Variants in PAK4 observed in about 807,000 individuals in gnomAD.
PAK4 encodes p21 (RAC1) activated kinase 4.
Under a neutral mutation model 53.5 loss-of-function variants are expected in PAK4, and 49 were observed. The ratio of observed to expected loss-of-function variants is 0.92; its 90% CI spans 0.73 to 1.16. The LOEUF (loss-of-function observed/expected upper bound fraction) is 1.16. Ranked by LOEUF, PAK4 falls within the 50% of genes most tolerant of loss-of-function variation. The pLI is 0.00. For missense variants in PAK4, 824 were observed against 850.7 expected (o/e 0.97, Z 0.39); for synonymous variants, 376 against 375.6 (o/e 1.00, Z -0.01).
intron 2 of PAK4, among the ~76,000 whole-genome samples, chr19:39,170,381 T>C (rs2074456142): frequency 6.6e-6 from 1 of 151,868 alleles, no homozygotes; most frequent in African/African-American, 2.4e-5. Flanking sequence ...CTTCCTGCCA[T>C]CTAGAGCAAA....
Position 39,160,070 on chromosome 19 carries a change from G to A in PAK4, c.-22-9462G>A, listed in dbSNP as rs539471779. Among the ~76,000 whole-genome samples, 7 of 152,336 alleles carry A rather than the reference G, an allele frequency of 4.6e-5. No individual in the cohort carries two copies. The South Asian group carries it at 6.2e-4, about 14-fold the overall frequency. On this transcript the variant is annotated intron_variant, in intron 1 of 8. Transcript: ENST00000358301. ...CCCCTGCAGTGGGGAGGGCCTGGGC[G>A]TTCACAGTGGGGGTACCTTTTGTGG... is the stretch of plus-strand genomic sequence containing the variant.
At chr19:39,145,532 A>G (rs943500587) in intron 1 of PAK4, among the ~76,000 whole-genome samples, 26 of 152,076 alleles carry the variant, frequency 1.7e-4, no homozygotes, top group African/African-American at 5.3e-4. Context: ...CCAGGCCCGC[A>G]GCCCCCTGCT....
At chr19:39,134,165 T>TAC (rs1648223602) in intron 1 of PAK4, among the ~76,000 whole-genome samples, 1 of 152,234 alleles carries the variant, frequency 6.6e-6, no homozygotes, top group South Asian at 2.1e-4. Flanking sequence ...GCTATATATA[T>TAC]ACACAGCGCT....
At chr19:39,127,974 C>CT (rs1253509947) in intron 1 of PAK4, among the ~76,000 whole-genome samples, 1 of 152,000 alleles carries the variant, frequency 6.6e-6, no homozygotes, top group Non-Finnish European at 1.5e-5. Flanking sequence ...GGGCAAGACG[C>CT]TGAGGGGACT....
rs2074284829 is a variant in PAK4, at chr19:39,161,574, C to A, written c.-22-7958C>A. On this transcript the variant is annotated intron_variant, in intron 1 of 8. Coordinates refer to ENST00000358301, the Ensembl canonical transcript of PAK4. This position sits in a 1 kb window ranked among gnomAD's most constrained non-coding sequence, Gnocchi z 4.5. ...CCTGGTCCCCCTTTCCGTTCTGCCCCCACAGACTGTTCCCAGCCAGTGGGA... is the reference window on the plus strand; with the variant it reads ...CCTGGTCCCCCTTTCCGTTCTGCCCACACAGACTGTTCCCAGCCAGTGGGA... 6.6e-6 allele frequency among the ~76,000 whole-genome samples: 1 copy of A among 152,034 alleles called. No homozygotes were observed. The highest frequency in any genetic ancestry group is 1.5e-5 in the Non-Finnish European group (1 of 67,988).
chr19:39,173,404 C>G lies in PAK4; in HGVS notation c.663+28C>G. ...AACCCATCCCCCGCCCCAGGGCCCC[C>G]ACTGTCCCCTGCCCGTTGCTCCTCT... On this transcript the variant is annotated intron_variant, in intron 3 of 8. Transcript: ENST00000358301. This position sits in a 1 kb window ranked among gnomAD's most constrained non-coding sequence, Gnocchi z 6.9. The G allele has an allele frequency of 1.3e-6, 2 of 1,482,150 alleles. No individual in the cohort carries two copies. The highest frequency in any genetic ancestry group is 1.8e-6 in the Non-Finnish European group (2 of 1,108,654). 91.8% of individuals were successfully genotyped at this position (1,482,150 alleles called of 1,614,324 possible).
chr19:39,167,394 G>A (rs1445810826), intron 1 of PAK4, among the ~76,000 whole-genome samples: 4 of 152,276 alleles, frequency 2.6e-5, no homozygotes, highest in Admixed American at 6.5e-5. Context: ...GGGGTATGTG[G>A]ATGACCCTGG....
intron 1 of PAK4, among the ~76,000 whole-genome samples, chr19:39,141,378 C>T (rs554284426): frequency 5.3e-5 from 8 of 150,876 alleles, no homozygotes; most frequent in Non-Finnish European, 1.0e-4. Context: ...TGCAGTGGTG[C>T]GATCTTGGCT....
At chr19:39,132,552 C>G (rs558325331) in intron 1 of PAK4, among the ~76,000 whole-genome samples, 1 of 152,272 alleles carries the variant, frequency 6.6e-6, no homozygotes, top group Non-Finnish European at 1.5e-5. Context: ...CGTGCCCCCA[C>G]GGACAGCACA....
intron 1 of PAK4, among the ~76,000 whole-genome samples, chr19:39,166,467 G>C (rs1473353083): frequency 6.6e-6 from 1 of 152,188 alleles, no homozygotes; most frequent in Admixed American, 6.5e-5. Context: ...AATACTCCAC[G>C]AAGCAGCTAC....
intron 1 of PAK4, 164 bp from the exon 2 acceptor site, chr19:39,168,066 C>T (rs1324315494): frequency 6.6e-6 from 1 of 152,296 alleles, no homozygotes; most frequent in East Asian, 1.9e-4. Flanking sequence ...CCACCCTGGG[C>T]AGCTGCTGCA....
intron 7 of PAK4, among the ~76,000 whole-genome samples, chr19:39,177,353 A>G (rs2074626495): frequency 6.6e-6 from 1 of 152,004 alleles, no homozygotes; most frequent in Non-Finnish European, 1.5e-5. Context: ...TTCTGAACCA[A>G]TCACTGTGTC....
intron 1 of PAK4, among the ~76,000 whole-genome samples, chr19:39,165,825 C>T (rs1213626261): frequency 2.0e-5 from 3 of 152,184 alleles, no homozygotes; most frequent in South Asian, 4.1e-4. Flanking sequence ...GGCCGGAACC[C>T]GCGAATCTCT....
At chr19:39,149,783 G>A (rs1229458202) in intron 1 of PAK4, among the ~76,000 whole-genome samples, 1 of 152,172 alleles carries the variant, frequency 6.6e-6, no homozygotes, top group Non-Finnish European at 1.5e-5. Context: ...TAGAACCCGG[G>A]AGGCGGAGGT....
intron 2 of PAK4, among the ~76,000 whole-genome samples, chr19:39,170,709 A>G (rs2074462255): frequency 6.6e-6 from 1 of 152,266 alleles, no homozygotes; most frequent in Admixed American, 6.5e-5. Flanking sequence ...GAGAAGCCCC[A>G]AGGCCCACAA....
chr19:39,137,662 C>A (rs1344545433), intron 1 of PAK4, among the ~76,000 whole-genome samples: 1 of 151,022 alleles, frequency 6.6e-6, no homozygotes, highest in Non-Finnish European at 1.5e-5. Context: ...CAGTTCAGGT[C>A]ACTTTCCTTT....
Position 39,178,412 on chromosome 19 carries a change from C to A in PAK4, c.1621-12C>A. The A allele has an allele frequency of 6.4e-7, 1 of 1,574,736 alleles. No individual in the cohort carries two copies. Among genetic ancestry groups the A allele is most frequent in the South Asian group, 1.2e-5 (1 of 85,814 alleles). On this transcript the variant is annotated splice_polypyrimidine_tract_variant and intron_variant, in intron 8 of 8. Transcript: ENST00000358301. The surrounding 1 kb of genome is among the most constrained non-coding windows in gnomAD (Gnocchi z 4.4). ...GAGCCTCGCCCCCTGACCCTCCCCT[C>A]CTTCTCGACAGGTGTCGCCATCCCT... is the stretch of plus-strand genomic sequence containing the variant.
At chr19:39,155,234 C>T (rs992378525) in intron 1 of PAK4, among the ~76,000 whole-genome samples, 1 of 152,202 alleles carries the variant, frequency 6.6e-6, no homozygotes, top group African/African-American at 2.4e-5. Context: ...AGGGTGTCAA[C>T]TCCCGTGGGC....
chr19:39,130,661 A>AAAAT (rs1223814523), intron 1 of PAK4, among the ~76,000 whole-genome samples: 4 of 151,928 alleles, frequency 2.6e-5, no homozygotes, highest in Non-Finnish European at 4.4e-5. Flanking sequence ...CATAAAATAT[A>AAAAT]AAATAAATAA....
Sources: gnomAD v4.1 joint callset for allele counts (sites outside exome capture counted in the v4.1 genomes callset) on GRCh38, gnomAD v4.1.1 for gene constraint, Gnocchi (gnomAD v3.1) non-coding constraint, MANE v1.5 for transcripts, NCBI Gene and HGNC (gene_info 2026-07-23, HGNC 2026-07-21) for gene names.